The following CCDC186 variants were observed in gnomAD, a reference collection of about 807,000 sequenced individuals.
CCDC186 encodes coiled-coil domain-containing protein 186.
CCDC186 carries 49 observed loss-of-function variants against 113.7 expected under a neutral mutation model. The ratio of observed to expected loss-of-function variants is 0.43; its 90% CI spans 0.34 to 0.55. CCDC186 has a LOEUF of 0.55. Among genes scored for constraint, CCDC186 ranks in the 20% least tolerant of loss-of-function variants. The pLI, the probability that CCDC186 is intolerant of heterozygous loss-of-function variation, is 0.02. For synonymous variants in CCDC186, 355 were observed against 345.8 expected, an observed-to-expected ratio of 1.03 and a Z score of -0.30; for missense variants, 890 against 1,011.1, an observed-to-expected ratio of 0.88 and a Z score of 1.62.
intron 3 of CCDC186, among the ~76,000 whole-genome samples, chr10:114,154,173 C>T (rs1158483635): frequency 2.1e-5 from 3 of 145,212 alleles, no homozygotes; most frequent in African/African-American, 5.1e-5. Context: ...ATCGCAACAT[C>T]GCACTCCAGC....
intron 10 of CCDC186, among the ~76,000 whole-genome samples, chr10:114,133,897 A>G (rs1369620192): frequency 6.6e-6 from 1 of 152,248 alleles, no homozygotes; most frequent in African/African-American, 2.4e-5. Flanking sequence ...GCAAAGCCAC[A>G]GGAGTTTTGA....
At chr10:114,154,220 AAAAAAAAGAAAAG>A (rs1477667405) in intron 3 of CCDC186, among the ~76,000 whole-genome samples, 1 of 151,106 alleles carries the variant, frequency 6.6e-6, no homozygotes, top group African/African-American at 2.4e-5. Context: ...CAAAAAAAAA[AAAAAAAAGAAAAG>A]AAAAAGAAAA....
At chr10:114,130,083 T>C (rs2031040260) in intron 12 of CCDC186, 112 bp from the exon 13 acceptor site, 2 of 827,272 alleles carry the variant, frequency 2.4e-6, no homozygotes, top group South Asian at 3.2e-5. Flanking sequence ...CAAGAGAAAG[T>C]TCTTGAATAC....
At position 114,145,756 on chromosome 10, in the gene CCDC186, GT is replaced by G. The variant is rs2031618722; in HGVS notation, c.893del (p.Asn298ThrfsTer15). The G allele has an allele frequency of 6.4e-7, 1 of 1,573,322 alleles. No homozygotes were observed. The highest frequency in any genetic ancestry group is 8.6e-7 in the Non-Finnish European group (1 of 1,168,816). On this transcript the variant is annotated frameshift_variant, in exon 5 of 16. Coordinates refer to ENST00000369287, the MANE Select transcript of CCDC186 (RefSeq NM_018017.4). LOFTEE classifies it high-confidence loss of function. Reference protein sequence around the residue: ...KEMAQRMEQANKKCEEARQEK... With the variant: ...KEMAQRMEQAXKKCEEARQEK... ...CTTGGCGTGCCTCTTCACATTTCTTGTTGGCCTTCAAAAAAAATATTACTTA... is the reference window on the plus strand; with the variant it reads ...CTTGGCGTGCCTCTTCACATTTCTTGTGGCCTTCAAAAAAAATATTACTTA...
At chr10:114,153,948 G>A (rs1044128624) in intron 3 of CCDC186, among the ~76,000 whole-genome samples, 1 of 151,944 alleles carries the variant, frequency 6.6e-6, no homozygotes, top group African/African-American at 2.4e-5. Context: ...AGTGGCTCAT[G>A]CCTGTAATCT....
intron 3 of CCDC186, among the ~76,000 whole-genome samples, chr10:114,153,811 G>C (rs1429821361): frequency 1.3e-5 from 2 of 149,130 alleles, no homozygotes; most frequent in Non-Finnish European, 3.0e-5. Flanking sequence ...AAAGAAGACA[G>C]GGTATCAAAT....
chr10:114,156,651 C>A (rs550200031), intron 3 of CCDC186, among the ~76,000 whole-genome samples: 68 of 152,222 alleles, frequency 4.5e-4, no homozygotes, highest in African/African-American at 1.3e-3. Flanking sequence ...CACTTGAACC[C>A]AGGAGGCAAA....
intron 2 of CCDC186, among the ~76,000 whole-genome samples, chr10:114,159,572 A>G (rs941311773): frequency 1.4e-5 from 2 of 145,710 alleles, no homozygotes. Context: ...GAACCTGGGA[A>G]GCGGAGGTGG....
intron 1 of CCDC186, among the ~76,000 whole-genome samples, chr10:114,164,065 AGTGTGTGTGTGTGT>A (rs747232906): frequency 1.5e-4 from 16 of 107,032 alleles, no homozygotes; most frequent in Admixed American, 5.8e-4. Context: ...ACCAAGTTAG[AGTGTGTGTGTGTGT>A]GTGTGTGTGT....
intron 6 of CCDC186, among the ~76,000 whole-genome samples, chr10:114,140,404 G>A (rs1256928534): frequency 2.6e-5 from 4 of 152,188 alleles, no homozygotes; most frequent in Non-Finnish European, 5.9e-5. Context: ...GGAATGAGAT[G>A]GATGGATTGT....
chr10:114,165,816 C>G, intron 1 of CCDC186: 13 of 842,908 alleles, frequency 1.5e-5, no homozygotes, highest in Non-Finnish European at 1.8e-5. Flanking sequence ...CCATTGCACT[C>G]CAGCCTGGGC....
intron 1 of CCDC186, chr10:114,165,861 A>C: frequency 1.0e-6 from 1 of 982,222 alleles, no homozygotes; most frequent in Middle Eastern, 5.2e-4. Flanking sequence ...AAAAAAAAAA[A>C]AGTAAGGAGA....
intron 1 of CCDC186, among the ~76,000 whole-genome samples, chr10:114,172,513 C>G (rs2032523720): frequency 6.6e-6 from 1 of 152,150 alleles, no homozygotes. Flanking sequence ...AAATAGGACT[C>G]AAAAGCCAAT....
rs954883166 is a variant in CCDC186 at position 114,148,883 on chromosome 10, A to T, written c.888+2209T>A. 2.6e-5 allele frequency among the ~76,000 whole-genome samples: 4 copies of T among 152,264 alleles called. No homozygotes were observed. The East Asian group carries it at 5.8e-4, about 22-fold the overall frequency. ...ATGAGGAAACCTCAATCTGGAAATTAAAAAGCAGGTGAATGTGCGTGTGCA... is the reference window on the plus strand; with the variant it reads ...ATGAGGAAACCTCAATCTGGAAATTTAAAAGCAGGTGAATGTGCGTGTGCA... On this transcript the variant is annotated intron_variant, in intron 4 of 15. Transcript: ENST00000369287.
At chr10:114,157,139 T>A in intron 3 of CCDC186, among the ~76,000 whole-genome samples, 1 of 151,986 alleles carries the variant, frequency 6.6e-6, no homozygotes, top group East Asian at 1.9e-4. Flanking sequence ...AAAATATGAT[T>A]TACCTTATAG....
Position 114,123,314 on chromosome 10 carries a change from T to C in CCDC186, c.*1829A>G, listed in dbSNP as rs1399080270. On this transcript the variant is annotated 3_prime_UTR_variant, in exon 16 of 16. Coordinates refer to ENST00000369287, the MANE Select transcript of CCDC186 (RefSeq NM_018017.4). ...TAAAAATAAAACATCTTTGAACATATATTTTCATTTTGAAGTGAAAAGATA... is the reference window on the plus strand; with the variant it reads ...TAAAAATAAAACATCTTTGAACATACATTTTCATTTTGAAGTGAAAAGATA... The C allele has an allele frequency of 6.6e-6, 1 of 152,580 alleles. No individual in the cohort carries two copies. The highest frequency in any genetic ancestry group is 1.5e-5 in the Non-Finnish European group (1 of 68,022). The allele number at this position is 152,580 out of a possible 1,614,324, so 9.5% of individuals were successfully genotyped here.
chr10:114,126,157 T>A, intron 14 of CCDC186, 52 bp from the exon 15 acceptor site: 1 of 1,421,492 alleles, frequency 7.0e-7, no homozygotes, highest in Non-Finnish European at 9.8e-7. Context: ...TTAAAAAAAA[T>A]GGAATCTGCA....
chr10:114,142,991 CTG>C (rs2031527728), intron 6 of CCDC186, among the ~76,000 whole-genome samples: 1 of 152,212 alleles, frequency 6.6e-6, no homozygotes, highest in Admixed American at 6.5e-5. Context: ...AAAGTAACGA[CTG>C]TGTCTCCTAA....
chr10:114,135,867 A>AC (rs766555625), intron 9 of CCDC186, 24 bp downstream of exon 9: 2 of 1,536,658 alleles, frequency 1.3e-6, no homozygotes, highest in Non-Finnish European at 1.8e-6. Context: ...CTTCCTCTGG[A>AC]TTCATGACTA....
Sources: gnomAD v4.1 joint callset for allele counts (sites outside exome capture counted in the v4.1 genomes callset) on GRCh38, gnomAD v4.1.1 for gene constraint, MANE v1.5 for transcripts, NCBI Gene and HGNC (gene_info 2026-07-23, HGNC 2026-07-21) for gene names.